Variants in RALGPS2 observed in about 807,000 individuals in gnomAD.
RALGPS2 encodes the protein Ral GEF with PH domain and SH3 binding motif 2.
In RALGPS2, 43 loss-of-function variants were observed where a neutral mutation model predicts 86.8. The observed-to-expected ratio is 0.50, with a 90% CI of 0.39 to 0.64. RALGPS2 has a LOEUF of 0.64. Ranked by LOEUF, RALGPS2 falls within the 30% of genes least tolerant of loss-of-function variation. RALGPS2 has a pLI of 0.00. For missense variants in RALGPS2, 536 were observed against 694.6 expected, an observed-to-expected ratio of 0.77 and a Z score of 2.57; for synonymous variants, 243 against 231.3, an observed-to-expected ratio of 1.05 and a Z score of -0.46.
Position 178,918,420 on chromosome 1 carries a change from T to G in RALGPS2, c.*2061T>G, listed in dbSNP as rs1393414610. 1 of 152,172 alleles carries G rather than the reference T, an allele frequency of 6.6e-6. No individual in the cohort carries two copies. Among genetic ancestry groups the G allele is most frequent in the African/African-American group, 2.4e-5 (1 of 41,468 alleles). The allele number at this position is 152,172 out of a possible 1,614,324, so 9.4% of individuals were successfully genotyped here. A position where few individuals can be genotyped will look rare whatever the true frequency, so the allele number is the denominator to read the frequency against. ...TTTTTATTTCATTTGTTTGTCATAA[T>G]AAGCTAACGTAGAAATGTTGTAGGT... On this transcript the variant is annotated 3_prime_UTR_variant, in exon 20 of 20. Transcript: ENST00000367635.
chr1:178,742,190 C>G (rs6681903), intron 1 of RALGPS2, among the ~76,000 whole-genome samples: 12 of 132,894 alleles, frequency 9.0e-5, no homozygotes, highest in Non-Finnish European at 1.7e-4. Flanking sequence ...ATTAAAAAAA[C>G]AAGAGTTAAC....
chr1:178,879,017 T>G, intron 10 of RALGPS2, 25 bp downstream of exon 10: 1 of 1,608,744 alleles, frequency 6.2e-7, no homozygotes, highest in Non-Finnish European at 8.5e-7. Context: ...CAAAAGTGGT[T>G]TGTATAACTT....
At chr1:178,788,828 G>GT (rs1394766441) in intron 4 of RALGPS2, among the ~76,000 whole-genome samples, 2 of 122,394 alleles carry the variant, frequency 1.6e-5, no homozygotes, top group East Asian at 2.6e-4. Context: ...CTTTTCTTTT[G>GT]TTTTCTTTCT....
At chr1:178,905,140 C>A (rs1032857820) in intron 18 of RALGPS2, among the ~76,000 whole-genome samples, 2 of 151,956 alleles carry the variant, frequency 1.3e-5, no homozygotes, top group African/African-American at 4.8e-5. Context: ...GCGTTGAATT[C>A]TTGATTTGAT....
intron 8 of RALGPS2, chr1:178,849,871 T>C (rs2102287090): frequency 6.6e-6 from 1 of 152,262 alleles, no homozygotes; most frequent in East Asian, 1.9e-4. Context: ...TTCGAGGTTT[T>C]CTTTTTGCTT....
At chr1:178,835,392 C>CTTTTTTTTT (rs71297889) in intron 8 of RALGPS2, among the ~76,000 whole-genome samples, 11 of 122,032 alleles carry the variant, frequency 9.0e-5, no homozygotes, top group Admixed American at 2.5e-4. Context: ...TCTTTCTTTT[C>CTTTTTTTTT]TTTTTTTTTT....
At chr1:178,806,793 C>T (rs200770997) in intron 4 of RALGPS2, among the ~76,000 whole-genome samples, 2 of 152,050 alleles carry the variant, frequency 1.3e-5, no homozygotes, top group East Asian at 3.9e-4. Flanking sequence ...ACTCTATTTC[C>T]TCAGTTCTTT....
chr1:178,899,323 T>C (rs1240414266), intron 17 of RALGPS2, among the ~76,000 whole-genome samples: 2 of 151,856 alleles, frequency 1.3e-5, no homozygotes, highest in Non-Finnish European at 2.9e-5. Flanking sequence ...GAAAATCTTA[T>C]TGAGTACCAA....
chr1:178,877,525 T>G lies in RALGPS2; in HGVS notation c.635T>G (p.Ile212Ser). The change falls in exon 9 of 20, where the codon ATC becomes AGC. Residue 212 changes from isoleucine to serine, a missense_variant. Ile to Ser is a moderately radical substitution (Grantham distance 142). Around this residue, in one of 3 missense-constraint regions of RALGPS2, gnomAD observed 184 missense variants for 296.7 expected, o/e 0.62. Transcript: ENST00000367635. ...LGIYLSDLTY[I>S]DSAYPSTGSI... The stretch of plus-strand genomic sequence containing the variant: ...ATCTATTTGTCAGATTTAACATACA[T>G]CGATTCAGCATACCCATCAACTGGC... 6.2e-7 allele frequency: 1 copy of G among 1,613,532 alleles called. No individual in the cohort carries two copies. The highest frequency in any genetic ancestry group is 8.5e-7 in the Non-Finnish European group (1 of 1,179,602).
At chr1:178,907,140 T>C (rs1361683621) in intron 19 of RALGPS2, among the ~76,000 whole-genome samples, 1 of 152,130 alleles carries the variant, frequency 6.6e-6, no homozygotes, top group African/African-American at 2.4e-5. Context: ...TACAGACAAC[T>C]TTTGATAACA....
intron 8 of RALGPS2, chr1:178,868,970 T>C (rs1038957433): frequency 1.3e-5 from 2 of 152,052 alleles, no homozygotes; most frequent in African/African-American, 2.4e-5. Context: ...TCTGAAAACA[T>C]TCTCTTATTT....
At chr1:178,765,432 G>C (rs1231285961) in intron 1 of RALGPS2, among the ~76,000 whole-genome samples, 2 of 152,126 alleles carry the variant, frequency 1.3e-5, no homozygotes, top group Non-Finnish European at 2.9e-5. Flanking sequence ...AAAGGGGAGG[G>C]AGTGTACGAA....
chr1:178,886,827 G>T (rs536753078), intron 13 of RALGPS2, among the ~76,000 whole-genome samples: 1 of 152,208 alleles, frequency 6.6e-6, no homozygotes, highest in Non-Finnish European at 1.5e-5. Context: ...AGTATCTCAA[G>T]GAGGAGGAAA....
intron 2 of RALGPS2, among the ~76,000 whole-genome samples, chr1:178,782,642 C>A (rs773814439): frequency 1.3e-5 from 2 of 151,902 alleles, no homozygotes; most frequent in African/African-American, 2.4e-5. Context: ...CACTCCCCCC[C>A]AGCAACCCCT....
chr1:178,845,120 A>G (rs545047944), intron 8 of RALGPS2, among the ~76,000 whole-genome samples: 1 of 151,312 alleles, frequency 6.6e-6, no homozygotes, highest in East Asian at 1.9e-4. Flanking sequence ...AAAAAAAACC[A>G]TATTTTTTGA....
intron 1 of RALGPS2, among the ~76,000 whole-genome samples, chr1:178,730,565 T>C (rs1175230446): frequency 6.8e-6 from 1 of 148,140 alleles, no homozygotes; most frequent in Non-Finnish European, 1.5e-5. Flanking sequence ...TAATTGACCC[T>C]TCAGTTTTAA....
intron 4 of RALGPS2, among the ~76,000 whole-genome samples, chr1:178,791,064 T>C (rs755078877): frequency 1.3e-5 from 2 of 152,182 alleles, no homozygotes; most frequent in African/African-American, 2.4e-5. Context: ...TATATAATTG[T>C]ATATTAAAAG....
In RALGPS2 at chr1:178,808,113, A is replaced by G; in HGVS notation, c.282A>G (p.Thr94=). The G allele has an allele frequency of 6.2e-7, 1 of 1,603,260 alleles. No homozygotes were observed. The highest frequency in any genetic ancestry group is 1.1e-5 in the South Asian group (1 of 90,650). ...CTGCACCAAATGCAGTTGCCTTCAC[A>G]AGAAGATTCAATCATGTGAGTTTAT... ...YSSAPNAVAF[T]RRFNHVSFWV... is the part of the protein sequence containing the mutation. The change falls in exon 5 of 20, where the codon ACA becomes ACG. Residue 94 remains threonine, a synonymous_variant. Coordinates refer to ENST00000367635, the MANE Select transcript of RALGPS2 (RefSeq NM_152663.5).
At chr1:178,852,919 A>T (rs1202983379) in intron 8 of RALGPS2, 1 of 1,613,054 alleles carries the variant, frequency 6.2e-7, no homozygotes, top group Admixed American at 1.7e-5. Context: ...TTCCAGTCCA[A>T]GCCAGTATTC....
Sources: gnomAD v4.1 joint callset for allele counts (sites outside exome capture counted in the v4.1 genomes callset) on GRCh38, gnomAD v4.1.1 for gene constraint, gnomAD v4.1.1 regional missense constraint, MANE v1.5 for transcripts, NCBI Gene and HGNC (gene_info 2026-07-23, HGNC 2026-07-21) for gene names.